The following ADAMTS6 variants were observed in gnomAD, a reference collection of about 807,000 sequenced individuals.
The protein encoded by ADAMTS6 is A disintegrin and metalloproteinase with thrombospondin motifs 6.
Under a neutral mutation model 144.3 loss-of-function variants are expected in ADAMTS6, and 23 were observed. The ratio of observed to expected loss-of-function variants is 0.16; its 90% CI spans 0.11 to 0.23. The LOEUF is 0.23. ADAMTS6 is among the 10% of genes least tolerant of loss of function. The probability of loss-of-function intolerance (pLI) is 1.00; values close to 1 mark genes in which losing one functional copy is unlikely to be tolerated. For missense variants in ADAMTS6, 999 were observed against 1,379.6 expected (o/e 0.72, Z 4.37); for synonymous variants, 444 against 457.5 (o/e 0.97, Z 0.38).
At chr5:65,162,851 A>C (rs1429732562) in intron 24 of ADAMTS6, among the ~76,000 whole-genome samples, 1 of 152,172 alleles carries the variant, frequency 6.6e-6, no homozygotes, top group Admixed American at 6.5e-5. Context: ...GCTAACTTAC[A>C]ATGGATAAAA....
At chr5:65,207,126 C>A (rs1756158334) in intron 20 of ADAMTS6, among the ~76,000 whole-genome samples, 1 of 152,182 alleles carries the variant, frequency 6.6e-6, no homozygotes, top group African/African-American at 2.4e-5. Context: ...AAACTGTCTC[C>A]TTCCTAACTC....
At chr5:65,190,257 T>C (rs1029039379) in intron 21 of ADAMTS6, among the ~76,000 whole-genome samples, 1 of 152,218 alleles carries the variant, frequency 6.6e-6, no homozygotes, top group Non-Finnish European at 1.5e-5. Context: ...ATTTAAAAAA[T>C]CTGACACAAA....
chr5:65,283,295 T>C (rs1362197093), intron 11 of ADAMTS6, among the ~76,000 whole-genome samples: 2 of 152,054 alleles, frequency 1.3e-5, no homozygotes, highest in Non-Finnish European at 2.9e-5. Context: ...TTGCCTTAAA[T>C]AGTTTAATCC....
chr5:65,276,721 G>A (rs577772149), intron 11 of ADAMTS6, among the ~76,000 whole-genome samples: 1 of 152,154 alleles, frequency 6.6e-6, no homozygotes, highest in Non-Finnish European at 1.5e-5. Context: ...ATAGGTTCCA[G>A]GCTCTAATAA....
At chr5:65,455,320 A>G (rs928757623) in intron 4 of ADAMTS6, among the ~76,000 whole-genome samples, 5 of 152,200 alleles carry the variant, frequency 3.3e-5, no homozygotes, top group Admixed American at 1.3e-4. Flanking sequence ...AGGCGGGTGG[A>G]TCACCTGAGG....
intron 4 of ADAMTS6, 71 bp downstream of exon 4, chr5:65,460,099 A>C (rs1199387010): frequency 6.5e-7 from 1 of 1,526,828 alleles, no homozygotes; most frequent in African/African-American, 1.4e-5. Context: ...TAACCTTACT[A>C]TACTTGCCAG....
Position 65,321,963 on chromosome 5 carries a change from G to A in ADAMTS6, c.1223+7415C>T, listed in dbSNP as rs542185338. On this transcript the variant is annotated intron_variant, in intron 9 of 24. Transcript: ENST00000381055. Reference sequence around the variant, plus strand: ...ACTCCTGACCTCAGGTGATTCACCCGCCTCAGCCTCCCAAAGTGTTGGGAT... The same window carrying A: ...ACTCCTGACCTCAGGTGATTCACCCACCTCAGCCTCCCAAAGTGTTGGGAT... Among the ~76,000 whole-genome samples the A allele has an allele frequency of 5.3e-5, 8 of 151,876 alleles. No homozygotes were observed. The East Asian group carries it at 9.7e-4, about 18-fold the overall frequency.
intron 7 of ADAMTS6, among the ~76,000 whole-genome samples, chr5:65,414,502 G>C (rs1249551829): frequency 6.6e-6 from 1 of 151,914 alleles, no homozygotes; most frequent in Non-Finnish European, 1.5e-5. Flanking sequence ...CTTTATCTTA[G>C]GGAAAAAATG....
intron 21 of ADAMTS6, among the ~76,000 whole-genome samples, chr5:65,193,200 T>C (rs369946502): frequency 1.0e-3 from 158 of 152,082 alleles, no homozygotes; most frequent in African/African-American, 3.7e-3. Context: ...AATAAAGGTT[T>C]GACAGCTTTC....
At chr5:65,181,481 T>G (rs992408255) in intron 22 of ADAMTS6, among the ~76,000 whole-genome samples, 16 of 152,216 alleles carry the variant, frequency 1.1e-4, no homozygotes, top group Non-Finnish European at 8.8e-5. Context: ...CAGAAAATAT[T>G]TTCAAATATT....
Position 65,405,952 on chromosome 5 carries a change from G to C in ADAMTS6, c.1073+45523C>G, listed in dbSNP as rs1463485007. ...TCATGATTTGGCTCTGTGTTAGTCT[G>C]TTATTGGTGTATAAGAATGCTTGTG... On this transcript the variant is annotated intron_variant, in intron 7 of 24. Transcript: ENST00000381055. 2.6e-5 allele frequency among the ~76,000 whole-genome samples: 4 copies of C among 152,264 alleles called. No homozygotes were observed. The East Asian group carries it at 7.7e-4, about 29-fold the overall frequency.
At chr5:65,181,342 T>A (rs1314927438) in intron 22 of ADAMTS6, among the ~76,000 whole-genome samples, 1 of 152,226 alleles carries the variant, frequency 6.6e-6, no homozygotes, top group Admixed American at 6.5e-5. Flanking sequence ...CTTCGCTTCA[T>A]GCCAAGTCTC....
chr5:65,301,405 A>T (rs1180177166), intron 9 of ADAMTS6, among the ~76,000 whole-genome samples: 1 of 152,226 alleles, frequency 6.6e-6, no homozygotes, highest in Non-Finnish European at 1.5e-5. Flanking sequence ...AGATGAGGAT[A>T]GTTGCTGGAG....
intron 7 of ADAMTS6, among the ~76,000 whole-genome samples, chr5:65,399,674 G>A (rs1753754952): frequency 6.6e-6 from 1 of 151,768 alleles, no homozygotes; most frequent in Admixed American, 6.6e-5. Context: ...TTTCCCTTGT[G>A]ATATTAGTCA....
intron 7 of ADAMTS6, among the ~76,000 whole-genome samples, chr5:65,376,833 C>CA (rs1751607427): frequency 6.6e-6 from 1 of 150,482 alleles, no homozygotes; most frequent in Non-Finnish European, 1.5e-5. Flanking sequence ...GACCCTGTCT[C>CA]AAAAAAATTA....
intron 3 of ADAMTS6, among the ~76,000 whole-genome samples, chr5:65,461,170 CCTT>C (rs372321255): frequency 1.3e-5 from 2 of 152,156 alleles, no homozygotes; most frequent in African/African-American, 4.8e-5. Context: ...TCTTTAAAAA[CCTT>C]CTCTAGTCCA....
intron 7 of ADAMTS6, among the ~76,000 whole-genome samples, chr5:65,392,229 T>C (rs905779938): frequency 6.9e-6 from 1 of 145,504 alleles, no homozygotes; most frequent in Non-Finnish European, 1.5e-5. Context: ...TGTTATCTGA[T>C]TTCTCCACTA....
rs1001021397 is a variant in ADAMTS6 at position 65,308,550 on chromosome 5, C to T, written c.1224-8419G>A. On this transcript the variant is annotated intron_variant, in intron 9 of 24. Coordinates refer to ENST00000381055, the MANE Select transcript of ADAMTS6 (RefSeq NM_197941.4). ...TAGGATCTTAAGAATTGCAGCTATT[C>T]CACTATAAGGGAAAAAAAGACATTC... Among the ~76,000 whole-genome samples, 4 of 152,154 alleles carry T rather than the reference C, an allele frequency of 2.6e-5. No homozygotes were observed. In the East Asian group the frequency reaches 5.8e-4, roughly 22 times the overall value.
chr5:65,168,147 C>T (rs1433822249), intron 24 of ADAMTS6, among the ~76,000 whole-genome samples: 6 of 148,812 alleles, frequency 4.0e-5, no homozygotes, highest in African/African-American at 1.5e-4. Flanking sequence ...ATCATCTCAG[C>T]CCAAAATCTC....
Sources: allele counts gnomAD v4.1 joint callset (sites outside exome capture counted in the v4.1 genomes callset), GRCh38; gene constraint gnomAD v4.1.1; transcripts MANE v1.5; gene names NCBI Gene and HGNC (gene_info 2026-07-23, HGNC 2026-07-21).